Variants in PCOLCE2 observed in about 807,000 individuals in gnomAD.
PCOLCE2 encodes procollagen C-proteinase enhancer 2.
In PCOLCE2, 42 loss-of-function variants were observed where a neutral mutation model predicts 47.0. The observed-to-expected ratio is 0.89, with a 90% CI of 0.70 to 1.16. PCOLCE2 has a LOEUF of 1.16. Among genes scored for constraint, PCOLCE2 ranks in the 50% most tolerant of loss-of-function variants. The probability of loss-of-function intolerance (pLI) is 0.00; values close to 1 mark genes in which losing one functional copy is unlikely to be tolerated. For missense variants in PCOLCE2, 500 were observed against 526.1 expected (o/e 0.95, Z 0.49); for synonymous variants, 169 against 191.7 (o/e 0.88, Z 0.98).
chr3:142,819,180 T>C (rs1936985564), intron 8 of PCOLCE2, among the ~76,000 whole-genome samples: 1 of 152,240 alleles, frequency 6.6e-6, no homozygotes, highest in Non-Finnish European at 1.5e-5. Context: ...CAAGAGTACT[T>C]ATATTGGTTA....
At chr3:142,837,419 A>G (rs1421709289) in intron 5 of PCOLCE2, among the ~76,000 whole-genome samples, 2 of 151,990 alleles carry the variant, frequency 1.3e-5, no homozygotes, top group African/African-American at 4.8e-5. Flanking sequence ...TTATGCTTAA[A>G]TTATAACTAC....
intron 2 of PCOLCE2, among the ~76,000 whole-genome samples, chr3:142,879,970 CAAAA>C (rs772887718): frequency 0.025 from 1,327 of 53,490 alleles, 19 homozygotes; most frequent in African/African-American, 0.057. Flanking sequence ...GACTCCATCT[CAAAA>C]AAAAAAAAAA....
At chr3:142,847,456 T>G (rs1194764411) in intron 3 of PCOLCE2, among the ~76,000 whole-genome samples, 1 of 152,204 alleles carries the variant, frequency 6.6e-6, no homozygotes, top group African/African-American at 2.4e-5. Flanking sequence ...ATACAAATAT[T>G]GCCCACTGCA....
intron 2 of PCOLCE2, among the ~76,000 whole-genome samples, chr3:142,865,069 A>C (rs1933254942): frequency 6.6e-6 from 1 of 152,216 alleles, no homozygotes; most frequent in South Asian, 2.1e-4. Context: ...CTGTTTTCCA[A>C]AGTGGCTGTA....
chr3:142,887,819 T>C (rs767693511), intron 1 of PCOLCE2, 42 bp from the exon 2 acceptor site: 1 of 1,087,882 alleles, frequency 9.2e-7, no homozygotes, highest in Non-Finnish European at 1.4e-6. Flanking sequence ...ATTTGAAACA[T>C]GGTCTAACAA....
intron 7 of PCOLCE2, among the ~76,000 whole-genome samples, chr3:142,823,250 T>G (rs1329974751): frequency 6.6e-6 from 1 of 152,084 alleles, no homozygotes; most frequent in Non-Finnish European, 1.5e-5. Flanking sequence ...AGTACATAGG[T>G]TTTTTGCAGG....
At chr3:142,845,700 G>A (rs1361743851) in intron 3 of PCOLCE2, among the ~76,000 whole-genome samples, 2 of 152,204 alleles carry the variant, frequency 1.3e-5, no homozygotes, top group Non-Finnish European at 2.9e-5. Context: ...CAGGCCAGGG[G>A]CGGTGGCTCA....
At chr3:142,868,383 C>A (rs1376692416) in intron 2 of PCOLCE2, among the ~76,000 whole-genome samples, 1 of 152,214 alleles carries the variant, frequency 6.6e-6, no homozygotes, top group East Asian at 1.9e-4. Context: ...GCCATGATGG[C>A]AAGGGGTGTT....
At chr3:142,874,222 C>T (rs1933451719) in intron 2 of PCOLCE2, among the ~76,000 whole-genome samples, 1 of 152,204 alleles carries the variant, frequency 6.6e-6, no homozygotes, top group Non-Finnish European at 1.5e-5. Flanking sequence ...ACTACAGGCA[C>T]ACGCCACCAC....
intron 8 of PCOLCE2, among the ~76,000 whole-genome samples, chr3:142,818,853 T>C (rs1936981652): frequency 6.6e-6 from 1 of 152,258 alleles, no homozygotes; most frequent in Non-Finnish European, 1.5e-5. Flanking sequence ...AGATCAGCCA[T>C]GTCCCGCTCT....
chr3:142,876,531 T>C (rs990178197), intron 2 of PCOLCE2, among the ~76,000 whole-genome samples: 7 of 152,180 alleles, frequency 4.6e-5, no homozygotes, highest in African/African-American at 1.7e-4. Flanking sequence ...TTTGTTATGG[T>C]TCTGTGGGTC....
At chr3:142,830,255 T>A (rs1937130427) in intron 5 of PCOLCE2, among the ~76,000 whole-genome samples, 1 of 152,226 alleles carries the variant, frequency 6.6e-6, no homozygotes, top group Non-Finnish European at 1.5e-5. Context: ...CCTCATGATT[T>A]GCCTGATTGG....
chr3:142,848,166 G>A, intron 3 of PCOLCE2, 51 bp downstream of exon 3: 1 of 1,577,962 alleles, frequency 6.3e-7, no homozygotes, highest in Non-Finnish European at 8.7e-7. Context: ...CAAGTGCCAA[G>A]AACAGTGAAC....
intron 3 of PCOLCE2, 27 bp from the exon 4 acceptor site, chr3:142,843,075 C>G (rs1305783727): frequency 6.2e-7 from 1 of 1,607,876 alleles, no homozygotes; most frequent in African/African-American, 1.3e-5. Context: ...AGGAAAAAAG[C>G]CCACAAGTTT....
At chr3:142,853,820 T>C (rs1933004529) in intron 2 of PCOLCE2, among the ~76,000 whole-genome samples, 1 of 152,218 alleles carries the variant, frequency 6.6e-6, no homozygotes, top group African/African-American at 2.4e-5. Context: ...GAGATTATAT[T>C]GATTTGGGGA....
intron 2 of PCOLCE2, among the ~76,000 whole-genome samples, chr3:142,879,910 G>A (rs542251246): frequency 6.7e-6 from 1 of 148,318 alleles, no homozygotes; most frequent in East Asian, 2.0e-4. Context: ...GGCAGAGCTT[G>A]CAGTGAGCCG....
intron 2 of PCOLCE2, among the ~76,000 whole-genome samples, chr3:142,867,968 G>A (rs1038765451): frequency 6.4e-4 from 97 of 152,258 alleles, no homozygotes; most frequent in African/African-American, 2.2e-3. Flanking sequence ...GAAAACTGAA[G>A]CAGAATGTAA....
intron 2 of PCOLCE2, among the ~76,000 whole-genome samples, chr3:142,869,186 G>A (rs1453414001): frequency 6.6e-6 from 1 of 152,014 alleles, no homozygotes; most frequent in African/African-American, 2.4e-5. Flanking sequence ...AGCTACTCGG[G>A]AGGCTGAGGC....
At chr3:142,844,518 G>A (rs186940769) in intron 3 of PCOLCE2, among the ~76,000 whole-genome samples, 20 of 152,246 alleles carry the variant, frequency 1.3e-4, no homozygotes, top group East Asian at 1.2e-3. Context: ...CACCTCTCTC[G>A]AGTATGAACA....
Sources: gnomAD v4.1 joint callset for allele counts (sites outside exome capture counted in the v4.1 genomes callset) on GRCh38, gnomAD v4.1.1 for gene constraint, MANE v1.5 for transcripts, NCBI Gene and HGNC (gene_info 2026-07-23, HGNC 2026-07-21) for gene names.